Variants in FHDC1 observed in about 807,000 individuals in gnomAD.
FHDC1 encodes the protein FH2 domain-containing protein 1.
In FHDC1, 25 loss-of-function variants were observed where a neutral mutation model predicts 52.6. That is an observed-to-expected ratio of 0.48 (90% CI 0.35 to 0.66). The LOEUF (loss-of-function observed/expected upper bound fraction) is 0.66, where lower values mean the gene tolerates loss of function less well. Among genes scored for constraint, FHDC1 ranks in the 30% least tolerant of loss-of-function variants. FHDC1 has a pLI of 0.01. For missense variants in FHDC1, 1,459 were observed against 1,452.8 expected, an observed-to-expected ratio of 1.00 and a Z score of -0.07; for synonymous variants, 616 against 581.5, an observed-to-expected ratio of 1.06 and a Z score of -0.85.
intron 2 of FHDC1, among the ~76,000 whole-genome samples, chr4:152,949,118 T>TAAG (rs758697130): frequency 0.011 from 821 of 75,732 alleles, 4 homozygotes; most frequent in Non-Finnish European, 0.013. Context: ...ATAATAATAA[T>TAAG]AATAATAAGA....
intron 2 of FHDC1, among the ~76,000 whole-genome samples, chr4:152,949,961 G>A (rs1233297672): frequency 2.0e-5 from 3 of 152,224 alleles, no homozygotes; most frequent in Non-Finnish European, 4.4e-5. Context: ...GACTTCTGTG[G>A]CGGTCCTGCC....
chr4:152,965,864 C>T (rs1428644669), intron 9 of FHDC1, among the ~76,000 whole-genome samples: 1 of 152,214 alleles, frequency 6.6e-6, no homozygotes, highest in Non-Finnish European at 1.5e-5. Context: ...CATCTGTGAA[C>T]CATATGCATA....
intron 2 of FHDC1, among the ~76,000 whole-genome samples, chr4:152,949,135 A>T (rs1323687972): frequency 2.3e-4 from 14 of 60,094 alleles, no homozygotes; most frequent in African/African-American, 8.0e-4. Flanking sequence ...AAGAAGAAGA[A>T]GAAGAAGAAG....
chr4:152,937,173 G>A (rs971703131), intron 1 of FHDC1, among the ~76,000 whole-genome samples: 1 of 152,124 alleles, frequency 6.6e-6, no homozygotes, highest in African/African-American at 2.4e-5. Flanking sequence ...GGCTCGACCC[G>A]GCTCCCTTTT....
intron 2 of FHDC1, among the ~76,000 whole-genome samples, chr4:152,948,024 G>C (rs1226103256): frequency 6.6e-6 from 1 of 152,146 alleles, no homozygotes; most frequent in Non-Finnish European, 1.5e-5. Flanking sequence ...AATACATTTG[G>C]GAAAAAATGT....
chr4:152,962,470 A>C (rs1740308400), intron 6 of FHDC1, among the ~76,000 whole-genome samples: 1 of 152,270 alleles, frequency 6.6e-6, no homozygotes, highest in Non-Finnish European at 1.5e-5. Context: ...GAAAAATTAA[A>C]TAACTGCTGA....
At chr4:152,969,398 C>A (rs200986943) in intron 10 of FHDC1, among the ~76,000 whole-genome samples, 1 of 152,190 alleles carries the variant, frequency 6.6e-6, no homozygotes, top group Non-Finnish European at 1.5e-5. Context: ...TTTCTTGTTA[C>A]AAACACCACC....
chr4:152,921,514 A>C, the FHDC1 span, among the ~76,000 whole-genome samples: 1 of 152,046 alleles, frequency 6.6e-6, no homozygotes, highest in Non-Finnish European at 1.5e-5. Flanking sequence ...GGTTTTCCTA[A>C]GTAAGAACCT....
chr4:152,944,986 T>A (rs1452397345), intron 2 of FHDC1, among the ~76,000 whole-genome samples: 1 of 152,212 alleles, frequency 6.6e-6, no homozygotes, highest in African/African-American at 2.4e-5. Context: ...TCAGGAATAC[T>A]GAAGTAATTA....
chr4:152,939,400 C>T (rs555107820), intron 1 of FHDC1, among the ~76,000 whole-genome samples: 2 of 152,196 alleles, frequency 1.3e-5, no homozygotes, highest in South Asian at 4.1e-4. Context: ...TCCCAAAGTG[C>T]TGGGATTACA....
chr4:152,939,720 G>A (rs1407975559), intron 1 of FHDC1, among the ~76,000 whole-genome samples: 1 of 152,184 alleles, frequency 6.6e-6, no homozygotes, highest in Non-Finnish European at 1.5e-5. Flanking sequence ...GGGACTTGAG[G>A]AGACATTCCC....
In FHDC1 at chr4:152,972,544, A is replaced by G. The variant is rs1464851265; in HGVS notation, c.1383+3A>G. ...CCAAATTCAACAAAGCAGTTAAGGTACATCTGGCAGCATCTGTGTCTTGGG... is the reference window on the plus strand; with the variant it reads ...CCAAATTCAACAAAGCAGTTAAGGTGCATCTGGCAGCATCTGTGTCTTGGG... On this transcript the variant is annotated splice_donor_region_variant and intron_variant, in intron 11 of 11. Coordinates refer to ENST00000511601, the MANE Select transcript of FHDC1 (RefSeq NM_001371116.1). 1 of 1,602,660 alleles carries G rather than the reference A, an allele frequency of 6.2e-7. No individual in the cohort carries two copies. Among genetic ancestry groups the G allele is most frequent in the Admixed American group, 1.8e-5 (1 of 56,760 alleles).
chr4:152,941,146 C>T (rs1219196789), intron 1 of FHDC1, among the ~76,000 whole-genome samples: 5 of 152,262 alleles, frequency 3.3e-5, no homozygotes, highest in Middle Eastern at 3.4e-3. Context: ...ATTTTCCTCC[C>T]ATATAGAGGC....
At chr4:152,915,631 G>T in the FHDC1 span, among the ~76,000 whole-genome samples, 1 of 152,080 alleles carries the variant, frequency 6.6e-6, no homozygotes, top group African/African-American at 2.4e-5. Flanking sequence ...TTAAATAGCC[G>T]TTCTTCTGTA....
chr4:152,955,693 G>T (rs1222027644), intron 4 of FHDC1, among the ~76,000 whole-genome samples: 1 of 152,156 alleles, frequency 6.6e-6, no homozygotes. Context: ...GTTCAGGCTG[G>T]TCTTGAACTC....
the FHDC1 span, among the ~76,000 whole-genome samples, chr4:152,929,578 A>G: frequency 6.6e-6 from 1 of 152,156 alleles, no homozygotes; most frequent in African/African-American, 2.4e-5. The surrounding 1 kb of genome is among the most constrained non-coding windows in gnomAD (Gnocchi z 4.1). Context: ...CTTTCGCACC[A>G]TCAAGGGACT....
At chr4:152,915,551 A>AACTT in the FHDC1 span, among the ~76,000 whole-genome samples, 1 of 152,242 alleles carries the variant, frequency 6.6e-6, no homozygotes, top group African/African-American at 2.4e-5. Context: ...GTACACTTAT[A>AACTT]ACTTACTCTA....
intron 2 of FHDC1, among the ~76,000 whole-genome samples, chr4:152,948,351 A>G (rs577494238): frequency 6.6e-6 from 1 of 152,282 alleles, no homozygotes; most frequent in South Asian, 2.1e-4. Flanking sequence ...CAAATACTGT[A>G]TGATTCCCTC....
the FHDC1 span, among the ~76,000 whole-genome samples, chr4:152,916,153 T>G: frequency 6.6e-6 from 1 of 151,642 alleles, no homozygotes; most frequent in Admixed American, 6.6e-5. Context: ...AAAAAAAAAT[T>G]AGTAATACTG....
Sources: gnomAD v4.1 joint callset for allele counts (sites outside exome capture counted in the v4.1 genomes callset) on GRCh38, gnomAD v4.1.1 for gene constraint, Gnocchi (gnomAD v3.1) non-coding constraint, MANE v1.5 for transcripts, NCBI Gene and HGNC (gene_info 2026-07-23, HGNC 2026-07-21) for gene names.